NTM: variants seen among roughly 807,000 people sequenced by gnomAD.
The protein encoded by NTM is IgLON family member 2.
Under a neutral mutation model 42.1 loss-of-function variants are expected in NTM, and 13 were observed. The ratio of observed to expected loss-of-function variants is 0.31; its 90% confidence interval spans 0.20 to 0.49. The LOEUF (loss-of-function observed/expected upper bound fraction) is 0.49, where lower values mean the gene tolerates loss of function less well. Among genes scored for constraint, NTM ranks in the 20% least tolerant of loss-of-function variants. The pLI, the probability that NTM is intolerant of heterozygous loss-of-function variation, is 0.99. For synonymous variants in NTM, 187 were observed against 179.2 expected (o/e 1.04, Z -0.35); for missense variants, 373 against 452.8 (o/e 0.82, Z 1.60).
chr11:131,689,940 T>C (rs2074440125), intron 1 of NTM, among the ~76,000 whole-genome samples: 1 of 152,174 alleles, frequency 6.6e-6, no homozygotes, highest in South Asian at 2.1e-4. Context: ...CGTCCACATA[T>C]GATGAAATTC....
At chr11:132,158,225 T>C (rs2073608682) in intron 3 of NTM, among the ~76,000 whole-genome samples, 1 of 152,184 alleles carries the variant, frequency 6.6e-6, no homozygotes, top group South Asian at 2.1e-4. Flanking sequence ...TTACCCTGTC[T>C]CCACTACTTC....
chr11:131,758,343 A>AGGC lies in NTM; in HGVS notation c.83-153221_83-153220insGGC, dbSNP rs1423946326. 5.0e-4 allele frequency among the ~76,000 whole-genome samples: 76 copies of AGGC among 152,142 alleles called. No individual in the cohort carries two copies. The Middle Eastern group carries it at 0.01, about 20-fold the overall frequency. On this transcript the variant is annotated intron_variant, in intron 1 of 8. Transcript: ENST00000683400. ...GATATGGCCATATTTCATTTCTGGC[A>AGGC]AATGGATGTTATTTACATTTGAAAA... is the stretch of plus-strand genomic sequence containing the variant.
intron 2 of NTM, among the ~76,000 whole-genome samples, chr11:132,135,500 G>T (rs1012421490): frequency 2.3e-4 from 35 of 152,340 alleles, no homozygotes; most frequent in African/African-American, 8.2e-4. Flanking sequence ...CAGGCAGAAG[G>T]TGTAAGGGAA....
chr11:131,832,846 G>A (rs372287379), intron 1 of NTM, among the ~76,000 whole-genome samples: 109 of 152,268 alleles, frequency 7.2e-4, no homozygotes, highest in Non-Finnish European at 1.2e-3. Flanking sequence ...AGACAAGGGC[G>A]CTTTAAAAAC....
At chr11:131,789,955 CAAAAAAAAAAAAAAA>C (rs36050979) in intron 1 of NTM, among the ~76,000 whole-genome samples, 9 of 20,314 alleles carry the variant, frequency 4.4e-4, no homozygotes, top group Admixed American at 2.0e-3. Context: ...GACTCCGTCT[CAAAAAAAAAAAAAAA>C]AAAAAAAAAA....
intron 4 of NTM, among the ~76,000 whole-genome samples, chr11:132,220,469 G>C (rs776685288): frequency 4.4e-4 from 67 of 152,218 alleles, no homozygotes; most frequent in Admixed American, 9.2e-4. Context: ...TATTATAGCT[G>C]TGTAACTTCC....
At position 132,273,318 on chromosome 11, in the gene NTM, T is replaced by G. The variant is rs929738826; in HGVS notation, c.527-34371T>G. ...GGTTTTGTTGACTAGTGTTTTTTTT[T>G]TTTTTTTTTTTTTTTTTCCTGAGGA... On this transcript the variant is annotated intron_variant, in intron 4 of 8. Transcript: ENST00000683400. Among the ~76,000 whole-genome samples, 51 of 142,652 alleles carry G rather than the reference T, an allele frequency of 3.6e-4. 1 individual carries two copies. The highest frequency in any genetic ancestry group is 1.3e-3 in the African/African-American group (49 of 38,124). 93.6% of individuals were successfully genotyped at this position (142,652 alleles called of 152,430 possible).
intron 2 of NTM, among the ~76,000 whole-genome samples, chr11:132,033,587 T>C (rs1411997927): frequency 1.3e-5 from 2 of 152,210 alleles, no homozygotes; most frequent in African/African-American, 2.4e-5. Context: ...AAAGCCCACC[T>C]GTTTAGGAAT....
At chr11:132,036,622 C>T (rs2076543081) in intron 2 of NTM, among the ~76,000 whole-genome samples, 1 of 152,098 alleles carries the variant, frequency 6.6e-6, no homozygotes, top group African/African-American at 2.4e-5. Context: ...AGAGCTTGGC[C>T]CCCTCCACTC....
chr11:132,221,569 C>T (rs1347129691), intron 4 of NTM, among the ~76,000 whole-genome samples: 1 of 152,084 alleles, frequency 6.6e-6, no homozygotes, highest in Non-Finnish European at 1.5e-5. Flanking sequence ...TTGCATCAAC[C>T]AGCATCACCT....
chr11:131,707,505 A>G (rs1461960714), intron 1 of NTM, among the ~76,000 whole-genome samples: 1 of 152,108 alleles, frequency 6.6e-6, no homozygotes, highest in Non-Finnish European at 1.5e-5. Context: ...CTGTGGATAT[A>G]TTCCCAGAAG....
At chr11:132,068,693 G>C (rs1234650410) in intron 2 of NTM, among the ~76,000 whole-genome samples, 1 of 152,218 alleles carries the variant, frequency 6.6e-6, no homozygotes, top group East Asian at 1.9e-4. Context: ...GAACTAGTAA[G>C]AGACATCAAA....
At chr11:131,680,440 A>G (rs1371131341) in intron 1 of NTM, among the ~76,000 whole-genome samples, 1 of 134,840 alleles carries the variant, frequency 7.4e-6, no homozygotes, top group Non-Finnish European at 1.6e-5. Flanking sequence ...TGTGTGTGAG[A>G]TCATATCTGT....
At chr11:131,373,951 C>T (rs1019165324) in intron 1 of NTM, among the ~76,000 whole-genome samples, 1 of 152,140 alleles carries the variant, frequency 6.6e-6, no homozygotes, top group Admixed American at 6.5e-5. Flanking sequence ...GGGCGCCGTT[C>T]GGCTGGGCAG....
chr11:131,477,617 C>T (rs1056279055), intron 1 of NTM, among the ~76,000 whole-genome samples: 1 of 151,942 alleles, frequency 6.6e-6, no homozygotes, highest in African/African-American at 2.4e-5. Flanking sequence ...TCTCCTTACT[C>T]TCTTCTACCT....
intron 1 of NTM, among the ~76,000 whole-genome samples, chr11:131,701,538 G>A (rs1224924055): frequency 3.3e-5 from 5 of 152,180 alleles, no homozygotes; most frequent in African/African-American, 9.7e-5. Context: ...CCAGAGGCAC[G>A]GGCAAGGATT....
chr11:131,794,203 G>A (rs951980475), intron 1 of NTM, among the ~76,000 whole-genome samples: 2 of 152,084 alleles, frequency 1.3e-5, no homozygotes, highest in South Asian at 2.1e-4. Flanking sequence ...GGCCTGTCTC[G>A]CACCTCTGGC....
intron 1 of NTM, among the ~76,000 whole-genome samples, chr11:131,620,234 A>C (rs1409246605): frequency 6.6e-6 from 1 of 152,248 alleles, no homozygotes. Context: ...ATTTTCCCTG[A>C]TTTCTAAGCC....
At chr11:131,583,832 T>G (rs1447169106) in intron 1 of NTM, among the ~76,000 whole-genome samples, 1 of 152,232 alleles carries the variant, frequency 6.6e-6, no homozygotes, top group Non-Finnish European at 1.5e-5. Flanking sequence ...CTTCTATTCT[T>G]GGATTTGTAT....
Sources: allele counts gnomAD v4.1 joint callset (sites outside exome capture counted in the v4.1 genomes callset), GRCh38; gene constraint gnomAD v4.1.1; transcripts MANE v1.5; gene names NCBI Gene and HGNC (gene_info 2026-07-23, HGNC 2026-07-21).